Variants in GTF2E2 observed in about 807,000 individuals in gnomAD.
GTF2E2 encodes transcription initiation factor IIE subunit beta.
Under a neutral mutation model 40.5 loss-of-function variants are expected in GTF2E2, and 21 were observed. The observed-to-expected ratio is 0.52, with a 90% CI of 0.37 to 0.75. The LOEUF (loss-of-function observed/expected upper bound fraction) is 0.75. Ranked by LOEUF, GTF2E2 falls within the 30% of genes least tolerant of loss-of-function variation. GTF2E2 has a pLI of 0.00. For synonymous variants in GTF2E2, 117 were observed against 121.6 expected, an observed-to-expected ratio of 0.96 and a Z score of 0.25; for missense variants, 298 against 338.4, an observed-to-expected ratio of 0.88 and a Z score of 0.94.
intron 2 of GTF2E2, among the ~76,000 whole-genome samples, chr8:30,647,707 T>G (rs559891899): frequency 1.3e-4 from 20 of 152,370 alleles, no homozygotes; most frequent in African/African-American, 4.8e-4. Flanking sequence ...TTGTGAAGCT[T>G]GGATATATAA....
chr8:30,644,250 T>G (rs936188053), intron 2 of GTF2E2, among the ~76,000 whole-genome samples: 2 of 152,182 alleles, frequency 1.3e-5, no homozygotes, highest in Non-Finnish European at 2.9e-5. Context: ...ATACTGAAAC[T>G]TGAACTCACC....
chr8:30,591,864 G>A (rs1040937205), intron 6 of GTF2E2, among the ~76,000 whole-genome samples: 1 of 151,816 alleles, frequency 6.6e-6, no homozygotes, highest in Non-Finnish European at 1.5e-5. Flanking sequence ...GCCAAAAAGT[G>A]GAAAAACCCA....
chr8:30,630,831 G>A (rs2978270), intron 3 of GTF2E2, among the ~76,000 whole-genome samples: 3,929 of 151,996 alleles, frequency 0.026, 72 homozygotes, highest in African/African-American at 0.031. Flanking sequence ...AAATATTTTG[G>A]CCCCTGCTGG....
intron 4 of GTF2E2, 74 bp downstream of exon 4, chr8:30,614,534 C>A: frequency 1.2e-6 from 1 of 824,530 alleles, no homozygotes; most frequent in Non-Finnish European, 2.0e-6. Context: ...TGCAACAGAG[C>A]AAGACTCTGT....
At chr8:30,593,910 C>A (rs1192704630) in intron 6 of GTF2E2, among the ~76,000 whole-genome samples, 1 of 151,958 alleles carries the variant, frequency 6.6e-6, no homozygotes, top group Admixed American at 6.6e-5. Flanking sequence ...TTACTTTTAA[C>A]CTGTCTATAT....
At chr8:30,614,533 G>A (rs1585966333) in intron 4 of GTF2E2, 75 bp downstream of exon 4, 2 of 821,172 alleles carry the variant, frequency 2.4e-6, no homozygotes, top group East Asian at 5.0e-5. Context: ...GTGCAACAGA[G>A]CAAGACTCTG....
At chr8:30,590,422 G>C (rs1045498393) in intron 6 of GTF2E2, among the ~76,000 whole-genome samples, 1 of 152,176 alleles carries the variant, frequency 6.6e-6, no homozygotes, top group Non-Finnish European at 1.5e-5. Context: ...GTGAATTTGG[G>C]TTAACACCCA....
chr8:30,652,558 A>C (rs1802316870), intron 2 of GTF2E2, among the ~76,000 whole-genome samples: 1 of 152,166 alleles, frequency 6.6e-6, no homozygotes, highest in Non-Finnish European at 1.5e-5. Flanking sequence ...TAAAAAAAAA[A>C]AAACAGAATT....
chr8:30,603,856 C>T (rs1189427682), intron 6 of GTF2E2, among the ~76,000 whole-genome samples: 1 of 151,648 alleles, frequency 6.6e-6, no homozygotes, highest in Non-Finnish European at 1.5e-5. Context: ...AAAAGTGCAC[C>T]ATAGAGAAAA....
At chr8:30,613,244 T>C (rs1800791726) in intron 4 of GTF2E2, among the ~76,000 whole-genome samples, 1 of 152,234 alleles carries the variant, frequency 6.6e-6, no homozygotes, top group African/African-American at 2.4e-5. Flanking sequence ...TAGTCAATGG[T>C]CTTCCCCATC....
intron 4 of GTF2E2, among the ~76,000 whole-genome samples, chr8:30,613,737 T>C (rs2979533): frequency 0.031 from 4,658 of 152,330 alleles, 100 homozygotes; most frequent in African/African-American, 0.048. Context: ...AAATGAATTG[T>C]ATGTTAGGAA....
At chr8:30,619,477 C>T (rs1272556135) in intron 3 of GTF2E2, among the ~76,000 whole-genome samples, 1 of 151,792 alleles carries the variant, frequency 6.6e-6, no homozygotes, top group Non-Finnish European at 1.5e-5. Flanking sequence ...CAACCGCCAC[C>T]TCCCAGGTTC....
intron 6 of GTF2E2, among the ~76,000 whole-genome samples, chr8:30,603,468 A>T (rs933688812): frequency 1.3e-5 from 2 of 152,048 alleles, no homozygotes; most frequent in East Asian, 3.8e-4. Context: ...TAAAATTTTT[A>T]AAAAGCCAGA....
intron 6 of GTF2E2, among the ~76,000 whole-genome samples, chr8:30,591,691 G>A (rs773745981): frequency 2.1e-4 from 32 of 152,130 alleles, no homozygotes; most frequent in Non-Finnish European, 3.8e-4. Flanking sequence ...GTAAATTAAT[G>A]TAGCTGCTTT....
intron 3 of GTF2E2, among the ~76,000 whole-genome samples, chr8:30,618,463 A>G (rs1354624480): frequency 2.0e-5 from 3 of 152,148 alleles, no homozygotes; most frequent in South Asian, 2.1e-4. Context: ...GGAATCTCAC[A>G]TGACAAAGGG....
chr8:30,592,488 T>C (rs1047522943), intron 6 of GTF2E2, among the ~76,000 whole-genome samples: 3 of 152,240 alleles, frequency 2.0e-5, no homozygotes, highest in Non-Finnish European at 2.9e-5. Flanking sequence ...CGTTCACGTA[T>C]AGTCAGCCTT....
Position 30,578,451 on chromosome 8 carries a change from A to G in GTF2E2, c.*470T>C, listed in dbSNP as rs1307017432. On this transcript the variant is annotated 3_prime_UTR_variant, in exon 8 of 8. Coordinates refer to ENST00000355904, the MANE Select transcript of GTF2E2 (RefSeq NM_002095.6). Reference sequence around the variant, plus strand: ...ACATCCCCAGCACGTGACCCATGGAAATCAGAGACTGGAGCTGCTTCCTGC... The same window carrying G: ...ACATCCCCAGCACGTGACCCATGGAGATCAGAGACTGGAGCTGCTTCCTGC... 6.2e-6 allele frequency: 1 copy of G among 161,458 alleles called. No homozygotes were observed. The highest frequency in any genetic ancestry group is 6.2e-5 in the Admixed American group (1 of 16,010). The allele number at this position is 161,458 out of a possible 1,614,324, so 10.0% of individuals were successfully genotyped here. A position where few individuals can be genotyped will look rare whatever the true frequency, so the allele number is the denominator to read the frequency against.
At chr8:30,624,088 T>G (rs1405692458) in intron 3 of GTF2E2, among the ~76,000 whole-genome samples, 1 of 152,180 alleles carries the variant, frequency 6.6e-6, no homozygotes, top group Non-Finnish European at 1.5e-5. Context: ...TCCTTGCCCA[T>G]GCCTATGTCC....
At chr8:30,607,267 T>C (rs563869159) in intron 5 of GTF2E2, 117 bp from the exon 6 acceptor site, 1 of 473,274 alleles carries the variant, frequency 2.1e-6, no homozygotes, top group Non-Finnish European at 3.8e-6. Context: ...TATACCACCA[T>C]AGGGTCCTCC....
Sources: gnomAD v4.1 joint callset for allele counts (sites outside exome capture counted in the v4.1 genomes callset) on GRCh38, gnomAD v4.1.1 for gene constraint, MANE v1.5 for transcripts, NCBI Gene and HGNC (gene_info 2026-07-23, HGNC 2026-07-21) for gene names.